Variants in CUX1 observed in about 807,000 individuals in gnomAD.
The protein encoded by CUX1 is protein CASP.
Under a neutral mutation model 158.8 loss-of-function variants are expected in CUX1, and 31 were observed. That is an observed-to-expected ratio of 0.20 (90% CI 0.15 to 0.26). The LOEUF is 0.26. Ranked by LOEUF, CUX1 falls within the 10% of genes least tolerant of loss-of-function variation. The pLI is 1.00. For missense variants in CUX1, 1,589 were observed against 2,014.6 expected (o/e 0.79, Z 4.04); for synonymous variants, 879 against 862.1 (o/e 1.02, Z -0.34).
intron 1 of CUX1, among the ~76,000 whole-genome samples, chr7:101,897,298 A>T (rs1445732281): frequency 6.6e-6 from 1 of 152,198 alleles, no homozygotes; most frequent in African/African-American, 2.4e-5. Context: ...TTAATACAGC[A>T]AGTGAAGCCT....
At chr7:102,033,003 T>C (rs1820973251) in intron 3 of CUX1, among the ~76,000 whole-genome samples, 1 of 152,180 alleles carries the variant, frequency 6.6e-6, no homozygotes, top group Admixed American at 6.5e-5. Context: ...GGGCGTGTTA[T>C]GGAAGGTTGA....
chr7:102,228,013 C>T (rs1216082628), intron 21 of CUX1, among the ~76,000 whole-genome samples: 2 of 144,784 alleles, frequency 1.4e-5, no homozygotes, highest in Non-Finnish European at 1.5e-5. Context: ...TGCAGTGGCA[C>T]AATCTCAGCT....
chr7:101,840,505 C>T (rs1795105038), intron 1 of CUX1, among the ~76,000 whole-genome samples: 2 of 152,100 alleles, frequency 1.3e-5, no homozygotes, highest in Non-Finnish European at 2.9e-5. Context: ...CAGTTTTTAT[C>T]CTTTAGTTTA....
At chr7:102,278,101 C>G (rs372364721) in intron 18 of CUX1, 174 of 1,488,442 alleles carry the variant, frequency 1.2e-4, no homozygotes, top group Non-Finnish European at 1.5e-4. Flanking sequence ...TCCAGGTGGA[C>G]CAGGCAGGGA....
intron 20 of CUX1, among the ~76,000 whole-genome samples, chr7:102,219,747 G>A (rs1460121019): frequency 1.3e-5 from 2 of 152,240 alleles, no homozygotes; most frequent in African/African-American, 2.4e-5. Flanking sequence ...GAGTGTCTCT[G>A]TGACATCTGC....
At chr7:102,166,427 C>A (rs199816735) in intron 9 of CUX1, among the ~76,000 whole-genome samples, 1 of 152,128 alleles carries the variant, frequency 6.6e-6, no homozygotes, top group Non-Finnish European at 1.5e-5. Flanking sequence ...CAGGAGGAGA[C>A]GGGAGTCCGG....
rs1431354485 is a variant in CUX1, at chr7:101,916,328, C to T, written c.141+103C>T. 2.4e-5 allele frequency: 18 copies of T among 748,442 alleles called. No homozygotes were observed. The highest frequency in any genetic ancestry group is 1.5e-4 in the South Asian group (10 of 68,384). The allele number at this position is 748,442 out of a possible 1,614,324, so 46.4% of individuals were successfully genotyped here. A position where few individuals can be genotyped will look rare whatever the true frequency, so the allele number is the denominator to read the frequency against. ...GTTTCATTTTCATCAGATGAACGCA[C>T]GGCCGGCAAACAACCCGTTTCTTTC... is the stretch of plus-strand genomic sequence containing the variant. On this transcript the variant is annotated intron_variant, in intron 2 of 23. Coordinates refer to ENST00000292535, the MANE Select transcript of CUX1 (RefSeq NM_181552.4). The surrounding 1 kb of genome is among the most constrained non-coding windows in gnomAD (Gnocchi z 4.4).
At chr7:102,213,937 G>A (rs1300469500) in intron 20 of CUX1, among the ~76,000 whole-genome samples, 6 of 151,974 alleles carry the variant, frequency 3.9e-5, no homozygotes, top group East Asian at 1.9e-4. Context: ...GTTCAAGACC[G>A]GCCTGGCCAA....
At chr7:102,080,424 C>T (rs1022218161) in intron 4 of CUX1, among the ~76,000 whole-genome samples, 4 of 152,120 alleles carry the variant, frequency 2.6e-5, no homozygotes, top group Non-Finnish European at 5.9e-5. Flanking sequence ...ATTATGTAAT[C>T]GTATGATTAC....
Position 102,196,845 on chromosome 7 carries a change from T to G in CUX1, c.1434T>G (p.Phe478Leu). 6.2e-7 allele frequency: 1 copy of G among 1,614,186 alleles called. No homozygotes were observed. ...PSLPLASTGK[F>L]ALNSLLQRQL... ...TACCCCTGGCTTCTACAGGAAAATT[T>G]GCACTAAACTCTCTTCTCCAGCGGC... is the stretch of plus-strand genomic sequence containing the variant. Residue 478 changes from phenylalanine (F) to leucine (L), a missense_variant, in exon 15 of 24, where the codon TTT (phenylalanine) becomes TTG (leucine). By Grantham distance (22) the Phe-to-Leu change is conservative (BLOSUM62 0). Coordinates refer to ENST00000292535, the MANE Select transcript of CUX1 (RefSeq NM_181552.4).
Position 102,058,441 on chromosome 7 carries a change from A to AT in CUX1, c.190-11885dup, listed in dbSNP as rs35906137. On this transcript the variant is annotated intron_variant, in intron 3 of 23. Transcript: ENST00000292535. ...AGGCATGTGCCACTACACCTGGCTA[A>AT]TTTTTTTTTTTTTGTATTTTTAGTA... is the stretch of plus-strand genomic sequence containing the variant. 6.4e-3 allele frequency among the ~76,000 whole-genome samples: 942 copies of AT among 146,748 alleles called. 7 individuals carry two copies. Among genetic ancestry groups the AT allele is most frequent in the South Asian group, 0.019 (88 of 4,634 alleles).
At chr7:102,128,061 G>T (rs1034797709) in intron 8 of CUX1, among the ~76,000 whole-genome samples, 50 of 152,068 alleles carry the variant, frequency 3.3e-4, no homozygotes, top group African/African-American at 1.1e-3. Flanking sequence ...TGGCCAAGCT[G>T]GTCTGACCTC....
intron 2 of CUX1, among the ~76,000 whole-genome samples, chr7:102,014,041 A>G (rs1818326228): frequency 6.6e-6 from 1 of 152,042 alleles, no homozygotes; most frequent in Non-Finnish European, 1.5e-5. Flanking sequence ...GTAAGGTGCA[A>G]TTTGTGGCTC....
At chr7:101,926,116 T>C (rs1805562615) in intron 2 of CUX1, among the ~76,000 whole-genome samples, 1 of 152,196 alleles carries the variant, frequency 6.6e-6, no homozygotes, top group Admixed American at 6.5e-5. Context: ...GGGGGCAGTT[T>C]GGTTTTAAAA....
intron 10 of CUX1, among the ~76,000 whole-genome samples, chr7:102,172,399 G>A (rs2131707550): frequency 6.6e-6 from 1 of 151,966 alleles, no homozygotes; most frequent in East Asian, 1.9e-4. Context: ...CACCCAGGCT[G>A]GAATGCAGTG....
At chr7:102,168,104 A>G (rs116241519) in intron 9 of CUX1, among the ~76,000 whole-genome samples, 2,901 of 151,166 alleles carry the variant, frequency 0.019, 109 homozygotes, top group African/African-American at 0.067. Flanking sequence ...AAAAAAAACC[A>G]GTTGATTAAT....
chr7:101,839,422 G>T (rs1794982064), intron 1 of CUX1, among the ~76,000 whole-genome samples: 1 of 152,138 alleles, frequency 6.6e-6, no homozygotes, highest in Admixed American at 6.6e-5. Flanking sequence ...AGCACCTCCA[G>T]ATCGCTTCCC....
intron 4 of CUX1, among the ~76,000 whole-genome samples, chr7:102,091,917 A>G (rs973597435): frequency 1.3e-5 from 2 of 152,124 alleles, no homozygotes; most frequent in African/African-American, 4.8e-5. Context: ...CACTACACCC[A>G]GCTAATTTTT....
intron 1 of CUX1, among the ~76,000 whole-genome samples, chr7:101,906,804 G>A (rs185138514): frequency 1.4e-3 from 213 of 152,132 alleles, no homozygotes; most frequent in African/African-American, 4.6e-3. Flanking sequence ...GGTGGAGTGG[G>A]TGGGAGCTCA....
Sources: allele counts gnomAD v4.1 joint callset (sites outside exome capture counted in the v4.1 genomes callset), GRCh38; gene constraint gnomAD v4.1.1; non-coding constraint Gnocchi (gnomAD v3.1); transcripts MANE v1.5; gene names NCBI Gene and HGNC (gene_info 2026-07-23, HGNC 2026-07-21).